Variants in OMA1 observed in about 807,000 individuals in gnomAD.
The protein encoded by OMA1 is OMA1 zinc metallopeptidase.
A neutral mutation model predicts 30.9 loss-of-function variants in OMA1; 38 were observed. The observed-to-expected ratio is 1.23, with a 90% CI of 0.95 to 1.61. The LOEUF (loss-of-function observed/expected upper bound fraction) is 1.61. Among genes scored for constraint, OMA1 ranks in the 40% most tolerant of loss-of-function variants. OMA1 has a pLI of 0.00. For synonymous variants in OMA1, 173 were observed against 121.9 expected (o/e 1.42, Z -2.76); for missense variants, 461 against 349.2 (o/e 1.32, Z -2.55).
intron 2 of OMA1, among the ~76,000 whole-genome samples, chr1:58,537,642 C>T (rs1569976150): frequency 6.6e-6 from 1 of 152,244 alleles, no homozygotes; most frequent in African/African-American, 2.4e-5. Context: ...AAAATCACAA[C>T]AAAAATTTAC....
chr1:58,492,965 A>C (rs1430598190), intron 8 of OMA1, among the ~76,000 whole-genome samples: 1 of 152,220 alleles, frequency 6.6e-6, no homozygotes, highest in Non-Finnish European at 1.5e-5. Context: ...CACAACAAAA[A>C]AAGAGAATTT....
chr1:58,524,253 A>G (rs1389022995), intron 7 of OMA1, among the ~76,000 whole-genome samples: 10 of 152,192 alleles, frequency 6.6e-5, no homozygotes, highest in South Asian at 4.1e-4. Flanking sequence ...TCCGGCAGCT[A>G]TTCTTTCTCC....
chr1:58,536,749 A>T lies in OMA1; in HGVS notation c.501-8T>A. 1.2e-6 allele frequency: 1 copy of T among 866,042 alleles called. No individual in the cohort carries two copies. Among genetic ancestry groups the T allele is most frequent in the Non-Finnish European group, 2.0e-6 (1 of 499,498 alleles). The allele number at this position is 866,042 out of a possible 1,614,324, so 53.6% of individuals were successfully genotyped here. On this transcript the variant is annotated splice_polypyrimidine_tract_variant and splice_region_variant and intron_variant, in intron 2 of 8. Coordinates refer to ENST00000371226, the MANE Select transcript of OMA1 (RefSeq NM_145243.5). ...CACCATTTCCTTATGCCCCTAAAGC[A>T]AAAAGAAAAATTCAAAGTTCTGAAA... is the stretch of plus-strand genomic sequence containing the variant.
At chr1:58,533,011 G>A (rs1364957229) in intron 5 of OMA1, among the ~76,000 whole-genome samples, 1 of 152,146 alleles carries the variant, frequency 6.6e-6, no homozygotes, top group Non-Finnish European at 1.5e-5. Flanking sequence ...AATGTTACTT[G>A]TATTTCTGAT....
intron 7 of OMA1, among the ~76,000 whole-genome samples, chr1:58,526,970 T>C (rs971999852): frequency 6.6e-6 from 1 of 152,158 alleles, no homozygotes; most frequent in Admixed American, 6.5e-5. Flanking sequence ...CAAAAAATTA[T>C]TTCCAATCAA....
Position 58,497,828 on chromosome 1 carries a change from C to A in OMA1, c.1365+8232G>T, listed in dbSNP as rs1406811977. 2.6e-5 allele frequency among the ~76,000 whole-genome samples: 4 copies of A among 152,190 alleles called. No individual in the cohort carries two copies. In the East Asian group the frequency reaches 5.8e-4, roughly 22 times the overall value. On this transcript the variant is annotated intron_variant, in intron 8 of 8. Coordinates refer to ENST00000371226, the MANE Select transcript of OMA1 (RefSeq NM_145243.5). ...CTCTACAACGTGGCGGCTTTCCCTG[C>A]ACCTTTCTGTCTTAGTTTCAGTTGA...
chr1:58,533,913 G>A, intron 5 of OMA1, 40 bp downstream of exon 5: 1 of 851,684 alleles, frequency 1.2e-6, no homozygotes, highest in Non-Finnish European at 2.1e-6. Context: ...TAACTTCAAA[G>A]CAGTTTTTCC....
In OMA1 at chr1:58,534,256, G is replaced by T; in HGVS notation, c.805C>A (p.His269Asn). 1 of 871,466 alleles carries T rather than the reference G, an allele frequency of 1.1e-6. No individual in the cohort carries two copies. The highest frequency in any genetic ancestry group is 1.7e-5 in the Admixed American group (1 of 58,696). 54.0% of individuals were successfully genotyped at this position (871,466 alleles called of 1,614,324 possible). ...RYLAVKEVLC[H>N]LIECNKDVPG... is the part of the protein sequence containing the mutation. ...ACATCTTTATTGCATTCAATTAGAT[G>T]ACAAAGCACTTCTTTAACAGCCAGG... The change falls in exon 4 of 9, where the codon CAT becomes AAT. Residue 269 changes from histidine (H) to asparagine (N), a missense_variant. Coordinates refer to ENST00000371226, the MANE Select transcript of OMA1 (RefSeq NM_145243.5).
chr1:58,506,265 AAAC>A, intron 7 of OMA1, 56 bp from the exon 8 acceptor site: 1 of 791,770 alleles, frequency 1.3e-6, no homozygotes. Context: ...GATTTTTTAA[AAAC>A]TACTACTTTA....
intron 3 of OMA1, among the ~76,000 whole-genome samples, chr1:58,535,563 T>C (rs1646503178): frequency 7.5e-6 from 1 of 132,906 alleles, no homozygotes; most frequent in Non-Finnish European, 1.5e-5. Context: ...ACCACTGCAG[T>C]ACAGCCTGGG....
At chr1:58,513,487 G>C (rs752047753) in intron 7 of OMA1, among the ~76,000 whole-genome samples, 1 of 152,096 alleles carries the variant, frequency 6.6e-6, no homozygotes, top group Non-Finnish European at 1.5e-5. Context: ...GTAAGTACAC[G>C]AAGAAAGAAT....
chr1:58,490,163 G>A (rs571553145), intron 8 of OMA1, among the ~76,000 whole-genome samples: 1 of 152,246 alleles, frequency 6.6e-6, no homozygotes, highest in East Asian at 1.9e-4. Context: ...GAGGAAGTTC[G>A]AACCCATGGC....
intron 8 of OMA1, among the ~76,000 whole-genome samples, chr1:58,490,946 C>T (rs1645674487): frequency 6.6e-6 from 1 of 151,572 alleles, no homozygotes; most frequent in South Asian, 2.1e-4. Context: ...GCTGGGACTA[C>T]AGGCACCCGC....
intron 1 of OMA1, among the ~76,000 whole-genome samples, chr1:58,544,311 C>T (rs977196522): frequency 2.0e-5 from 3 of 152,016 alleles, no homozygotes; most frequent in Non-Finnish European, 4.4e-5. Flanking sequence ...AAATGCTAGG[C>T]ACCATAATGG....
At chr1:58,491,298 C>T (rs538369530) in intron 8 of OMA1, among the ~76,000 whole-genome samples, 9 of 152,176 alleles carry the variant, frequency 5.9e-5, no homozygotes, top group South Asian at 2.1e-4. Flanking sequence ...CGGTACCAGC[C>T]GCAGCAAAAA....
At chr1:58,506,633 A>G (rs1645994706) in intron 7 of OMA1, among the ~76,000 whole-genome samples, 1 of 152,220 alleles carries the variant, frequency 6.6e-6, no homozygotes. Context: ...GATATTAAGA[A>G]CATGTATTAA....
intron 7 of OMA1, among the ~76,000 whole-genome samples, chr1:58,508,842 G>C (rs1300733795): frequency 1.3e-5 from 2 of 152,146 alleles, no homozygotes; most frequent in African/African-American, 4.8e-5. Flanking sequence ...TCCTGGGGCA[G>C]GGCTCGGGAA....
chr1:58,502,019 T>A (rs924854008), intron 8 of OMA1, among the ~76,000 whole-genome samples: 3 of 152,172 alleles, frequency 2.0e-5, no homozygotes, highest in African/African-American at 7.2e-5. Context: ...TGTCTATTTA[T>A]TTCACATCAC....
chr1:58,530,699 C>A lies in OMA1; in HGVS notation c.1042G>T (p.Asp348Tyr), dbSNP rs1290038688. The A allele has an allele frequency of 4.6e-6, 4 of 872,612 alleles. No homozygotes were observed. The highest frequency in any genetic ancestry group is 2.6e-5 in the South Asian group (2 of 76,502). 54.1% of individuals were successfully genotyped at this position (872,612 alleles called of 1,614,324 possible). A position where few individuals can be genotyped will look rare whatever the true frequency, so the allele number is the denominator to read the frequency against. Residue 348 changes from aspartate (D) to tyrosine (Y), a missense_variant, in exon 6 of 9, where the codon GAT (aspartate) becomes TAT (tyrosine). Transcript: ENST00000371226. Reference sequence around the variant, plus strand: ...GTGAGGAAAATCATACCTAGGAAATCCAACAAATGAACCATGCCAGCCTTT... The same window carrying A: ...GTGAGGAAAATCATACCTAGGAAATACAACAAATGAACCATGCCAGCCTTT... ...AEKAGMVHLL[D>Y]FLGMIFLTMI...
Sources: gnomAD v4.1 joint callset for allele counts (sites outside exome capture counted in the v4.1 genomes callset) on GRCh38, gnomAD v4.1.1 for gene constraint, MANE v1.5 for transcripts, NCBI Gene and HGNC (gene_info 2026-07-23, HGNC 2026-07-21) for gene names.